Variants in TSPAN18 observed in about 807,000 individuals in gnomAD.
TSPAN18 encodes the protein tetraspanin 18, also known as tetraspanin-18.
A neutral mutation model predicts 27.3 loss-of-function variants in TSPAN18; 14 were observed. That is an observed-to-expected ratio of 0.51 (90% confidence interval 0.34 to 0.80). TSPAN18 has a LOEUF of 0.80. Ranked by LOEUF, TSPAN18 falls within the 30% of genes least tolerant of loss-of-function variation. The pLI, the probability that TSPAN18 is intolerant of heterozygous loss-of-function variation, is 0.01. For synonymous variants in TSPAN18, 143 were observed against 136.5 expected, an observed-to-expected ratio of 1.05 and a Z score of -0.33; for missense variants, 268 against 323.9, an observed-to-expected ratio of 0.83 and a Z score of 1.32.
intron 6 of TSPAN18, among the ~76,000 whole-genome samples, chr11:44,918,375 T>C (rs921891850): frequency 2.6e-5 from 4 of 152,044 alleles, no homozygotes; most frequent in South Asian, 2.1e-4. Flanking sequence ...GAGGCTGGAA[T>C]GTAGGAGCAC....
chr11:44,926,476 G>A, intron 8 of TSPAN18, 198 bp from the exon 9 acceptor site: 1 of 589,306 alleles, frequency 1.7e-6, no homozygotes, highest in Non-Finnish European at 3.0e-6. Flanking sequence ...GGCAAAGAGG[G>A]TCTTTGGTGC....
intron 2 of TSPAN18, among the ~76,000 whole-genome samples, chr11:44,806,731 C>G (rs866523817): frequency 1.6e-4 from 24 of 152,190 alleles, no homozygotes; most frequent in South Asian, 8.3e-4. Context: ...TCCAGAGACT[C>G]TCTCCAACAA....
At chr11:44,854,144 A>C (rs1359431615) in intron 2 of TSPAN18, among the ~76,000 whole-genome samples, 1 of 133,096 alleles carries the variant, frequency 7.5e-6, no homozygotes. Flanking sequence ...ATACACATAC[A>C]CACATGCCTG....
intron 2 of TSPAN18, among the ~76,000 whole-genome samples, chr11:44,767,118 G>C (rs1049278287): frequency 1.3e-5 from 2 of 152,186 alleles, no homozygotes; most frequent in African/African-American, 4.8e-5. Context: ...AACTCCTTCT[G>C]TGTGAGGTCT....
intron 3 of TSPAN18, among the ~76,000 whole-genome samples, chr11:44,861,636 T>A (rs61880642): frequency 0.19 from 28,132 of 151,554 alleles, 2,916 homozygotes; most frequent in Non-Finnish European, 0.21. Context: ...AGCAGCAGAT[T>A]CTCCCTACTG....
intron 2 of TSPAN18, among the ~76,000 whole-genome samples, chr11:44,844,777 T>A (rs1857446797): frequency 6.6e-6 from 1 of 152,220 alleles, no homozygotes; most frequent in South Asian, 2.1e-4. Flanking sequence ...TCCCAGTCTG[T>A]GTTTTGCTTT....
intron 3 of TSPAN18, among the ~76,000 whole-genome samples, chr11:44,871,707 T>C (rs1440511687): frequency 1.3e-5 from 2 of 152,210 alleles, no homozygotes; most frequent in African/African-American, 4.8e-5. Context: ...TTGAAAGTCT[T>C]GGCCAAAATG....
intron 1 of TSPAN18, among the ~76,000 whole-genome samples, chr11:44,730,580 G>A (rs1328565191): frequency 6.6e-6 from 1 of 151,752 alleles, no homozygotes; most frequent in Non-Finnish European, 1.5e-5. Flanking sequence ...CCTTGGACCT[G>A]CATTAGTGCT....
At chr11:44,794,950 CA>C (rs755372799) in intron 2 of TSPAN18, among the ~76,000 whole-genome samples, 4 of 152,140 alleles carry the variant, frequency 2.6e-5, no homozygotes, top group Non-Finnish European at 4.4e-5. Context: ...TTAACTGAAT[CA>C]GTGGGAAAAA....
At chr11:44,736,256 C>A (rs1309651071) in intron 1 of TSPAN18, 1 of 152,160 alleles carries the variant, frequency 6.6e-6, no homozygotes, top group East Asian at 1.9e-4. Context: ...GTTTGCCAGT[C>A]GTGTTATTCA....
intron 3 of TSPAN18, among the ~76,000 whole-genome samples, chr11:44,863,685 A>C (rs1213395893): frequency 6.6e-6 from 1 of 152,142 alleles, no homozygotes; most frequent in African/African-American, 2.4e-5. Context: ...TAGTTTGTCA[A>C]GCTCCTTCCG....
rs140954171 is a variant in TSPAN18, at chr11:44,747,639, T to G, written c.-239-16787T>G. Reference sequence around the variant, plus strand: ...TGCCTGTGTCTCAGAACAATCTGTTTTGATTTATTCTACTGTGGGAATTTG... The same window carrying G: ...TGCCTGTGTCTCAGAACAATCTGTTGTGATTTATTCTACTGTGGGAATTTG... On this transcript the variant is annotated intron_variant, in intron 1 of 9. Coordinates refer to ENST00000520358, the MANE Select transcript of TSPAN18 (RefSeq NM_130783.5). Among the ~76,000 whole-genome samples the G allele has an allele frequency of 1.6e-3, 251 of 152,262 alleles. 2 individuals are homozygous for G. The highest frequency in any genetic ancestry group is 5.8e-3 in the African/African-American group (239 of 41,544).
intron 1 of TSPAN18, among the ~76,000 whole-genome samples, 195 bp from the exon 2 acceptor site, chr11:44,764,231 T>C (rs1855515739): frequency 6.6e-6 from 1 of 152,114 alleles, no homozygotes; most frequent in South Asian, 2.1e-4. Context: ...CACTGGGAAT[T>C]ATGATTCAAT....
chr11:44,765,408 T>G (rs1301737525), intron 2 of TSPAN18, among the ~76,000 whole-genome samples: 2 of 152,138 alleles, frequency 1.3e-5, no homozygotes. Context: ...CGACCCTTGG[T>G]GGTAAATCAC....
chr11:44,852,734 G>C (rs751882652), intron 2 of TSPAN18, among the ~76,000 whole-genome samples: 15 of 152,168 alleles, frequency 9.9e-5, no homozygotes, highest in Non-Finnish European at 2.2e-4. Flanking sequence ...TAGTCTCTTT[G>C]CTCAGCCAGA....
intron 3 of TSPAN18, among the ~76,000 whole-genome samples, chr11:44,879,592 G>A (rs1858434003): frequency 6.6e-6 from 1 of 152,242 alleles, no homozygotes; most frequent in Non-Finnish European, 1.5e-5. Flanking sequence ...AGGTCCTGAG[G>A]CGGGAATGTG....
At chr11:44,804,191 C>T (rs1590499307) in intron 2 of TSPAN18, among the ~76,000 whole-genome samples, 6 of 152,314 alleles carry the variant, frequency 3.9e-5, no homozygotes, top group Admixed American at 3.9e-4. Flanking sequence ...GCAACCTCCA[C>T]CTCCCGGGTT....
chr11:44,832,025 G>A (rs1042750476), intron 2 of TSPAN18, among the ~76,000 whole-genome samples: 1 of 152,218 alleles, frequency 6.6e-6, no homozygotes, highest in Non-Finnish European at 1.5e-5. Flanking sequence ...CAAAGAGGGT[G>A]AGAGGGAAGG....
At chr11:44,835,705 GT>G (rs1857250719) in intron 2 of TSPAN18, among the ~76,000 whole-genome samples, 1 of 152,172 alleles carries the variant, frequency 6.6e-6, no homozygotes, top group Non-Finnish European at 1.5e-5. Context: ...AGTTTATTGT[GT>G]TTTTGTTTAT....
Sources: gnomAD v4.1 joint callset for allele counts (sites outside exome capture counted in the v4.1 genomes callset) on GRCh38, gnomAD v4.1.1 for gene constraint, MANE v1.5 for transcripts, NCBI Gene and HGNC (gene_info 2026-07-23, HGNC 2026-07-21) for gene names.